The following ANOS1 variants were observed in gnomAD, a reference collection of about 807,000 sequenced individuals.
ANOS1 encodes anosmin-1.
A neutral mutation model predicts 59.0 loss-of-function variants in ANOS1; 6 were observed. That is an observed-to-expected ratio of 0.10 (90% CI 0.06 to 0.20). The LOEUF (loss-of-function observed/expected upper bound fraction) is 0.20, where lower values mean the gene tolerates loss of function less well. Ranked by LOEUF, ANOS1 falls within the 10% of genes least tolerant of loss-of-function variation. The pLI is 1.00. For missense variants in ANOS1, 433 were observed against 542.3 expected, an observed-to-expected ratio of 0.80 and a Z score of 2.00; for synonymous variants, 217 against 223.4, an observed-to-expected ratio of 0.97 and a Z score of 0.25.
chrX:8,593,317 T>C (rs1930653915), intron 4 of ANOS1, among the ~76,000 whole-genome samples: 2 of 111,832 alleles, frequency 1.8e-5, no homozygotes, highest in Non-Finnish European at 3.8e-5. Context: ...TAAATGTGTA[T>C]TCAACTGAAA....
intron 6 of ANOS1, among the ~76,000 whole-genome samples, chrX:8,579,753 C>A (rs183207262): frequency 7.2e-5 from 8 of 111,620 alleles, no homozygotes; most frequent in African/African-American, 2.3e-4. Flanking sequence ...GGAACAGCTG[C>A]AGACAAAGAC....
At chrX:8,717,219 T>A (rs1932846588) in intron 1 of ANOS1, among the ~76,000 whole-genome samples, 1 of 112,410 alleles carries the variant, frequency 8.9e-6, no homozygotes, top group Non-Finnish European at 1.9e-5. Context: ...ACCTCCATCT[T>A]CTTTTCAAAA....
chrX:8,567,442 T>A (rs1378565242), intron 8 of ANOS1, among the ~76,000 whole-genome samples: 2 of 94,656 alleles, frequency 2.1e-5, no homozygotes, highest in Non-Finnish European at 4.7e-5. Context: ...TTTTGGTCTC[T>A]GCCTTCAAAA....
rs754851546 is a variant in ANOS1, at chrX:8,731,899, G to A, written c.138C>T (p.Arg46=). 2.1e-5 allele frequency: 25 copies of A among 1,185,512 alleles called. No individual in the cohort carries two copies. The South Asian group carries it at 3.9e-4, about 18-fold the overall frequency. ...DESLSAGSVQ[R]ARCASRCLSL... is the part of the protein sequence containing the mutation. Reference sequence around the variant, plus strand: ...TCAGGCACCTGGAGGCGCAGCGAGCGCGCTGGACGCTCCCGGCAGACAGCG... The same window carrying A: ...TCAGGCACCTGGAGGCGCAGCGAGCACGCTGGACGCTCCCGGCAGACAGCG... Residue 46 remains arginine (R), a synonymous_variant, in exon 1 of 14, where the codon CGC becomes CGT. Transcript: ENST00000262648.
At chrX:8,676,180 C>T (rs1173888070) in intron 2 of ANOS1, among the ~76,000 whole-genome samples, 3 of 111,355 alleles carry the variant, frequency 2.7e-5, no homozygotes, top group Admixed American at 9.6e-5. Flanking sequence ...CAACTAGCCA[C>T]CTTTATTTGT....
At chrX:8,685,596 GGAAGAA>G (rs1932500837) in intron 2 of ANOS1, among the ~76,000 whole-genome samples, 1 of 64,900 alleles carries the variant, frequency 1.5e-5, no homozygotes, top group Non-Finnish European at 2.8e-5. Context: ...GAGAAAGAAA[GGAAGAA>G]AGAAAGAAAG....
intron 1 of ANOS1, among the ~76,000 whole-genome samples, chrX:8,720,046 C>A (rs1264722847): frequency 9.0e-6 from 1 of 111,493 alleles, no homozygotes; most frequent in Admixed American, 9.6e-5. Flanking sequence ...TTTCAAAATT[C>A]TTTTTTTGAA....
At chrX:8,659,527 C>T (rs1170230274) in intron 2 of ANOS1, among the ~76,000 whole-genome samples, 4 of 96,955 alleles carry the variant, frequency 4.1e-5, no homozygotes, top group African/African-American at 1.7e-4. Context: ...GCTTTTCTTT[C>T]TTTCTTTCTC....
chrX:8,593,193 T>C (rs895517901), intron 4 of ANOS1, among the ~76,000 whole-genome samples: 1 of 112,139 alleles, frequency 8.9e-6, no homozygotes, highest in South Asian at 3.7e-4. Flanking sequence ...TTAAAGAGTA[T>C]TGTGAGCATG....
chrX:8,627,790 C>T (rs1185187067), intron 2 of ANOS1, among the ~76,000 whole-genome samples: 2 of 109,079 alleles, frequency 1.8e-5, no homozygotes, highest in African/African-American at 6.7e-5. Flanking sequence ...CAATGACACA[C>T]TTTCTCTCAT....
intron 2 of ANOS1, among the ~76,000 whole-genome samples, chrX:8,683,952 A>G (rs1339945917): frequency 8.9e-6 from 1 of 111,774 alleles, no homozygotes; most frequent in Non-Finnish European, 1.9e-5. Flanking sequence ...CTTTTTCCTG[A>G]CAAATACTAT....
At chrX:8,552,146 A>G (rs958804227) in intron 9 of ANOS1, among the ~76,000 whole-genome samples, 2 of 112,560 alleles carry the variant, frequency 1.8e-5, no homozygotes, top group African/African-American at 3.2e-5. Context: ...AATAACAATG[A>G]GGTATCACTA....
At chrX:8,645,762 T>C (rs190842249) in intron 2 of ANOS1, among the ~76,000 whole-genome samples, 18 of 111,554 alleles carry the variant, frequency 1.6e-4, no homozygotes, top group African/African-American at 5.2e-4. Flanking sequence ...ACTGGGACTA[T>C]AGGAAAATAT....
intron 3 of ANOS1, among the ~76,000 whole-genome samples, chrX:8,620,976 A>AT (rs886187405): frequency 8.9e-6 from 1 of 111,969 alleles, no homozygotes; most frequent in African/African-American, 3.2e-5. Flanking sequence ...CTTCAATTAT[A>AT]TCTTCCTTCT....
intron 2 of ANOS1, among the ~76,000 whole-genome samples, chrX:8,697,735 T>C (rs1285947772): frequency 1.8e-5 from 2 of 112,246 alleles, no homozygotes; most frequent in East Asian, 5.6e-4. Flanking sequence ...TCTCTCCCTA[T>C]ATTTGTACAA....
At chrX:8,682,792 T>C (rs1320741065) in intron 2 of ANOS1, among the ~76,000 whole-genome samples, 1 of 110,729 alleles carries the variant, frequency 9.0e-6, no homozygotes, top group Admixed American at 9.7e-5. Flanking sequence ...AAGAAAAAAA[T>C]GAACCCTGAG....
chrX:8,545,226 C>A (rs1385614077), intron 9 of ANOS1, among the ~76,000 whole-genome samples: 2 of 98,415 alleles, frequency 2.0e-5, no homozygotes, highest in Non-Finnish European at 4.0e-5. Flanking sequence ...GCACTCCAGC[C>A]TGGGTGACAG....
At chrX:8,621,991 G>C (rs909052078) in intron 3 of ANOS1, among the ~76,000 whole-genome samples, 3 of 111,866 alleles carry the variant, frequency 2.7e-5, no homozygotes, top group Non-Finnish European at 5.6e-5. Flanking sequence ...CACAAACAAA[G>C]ACATGGGATG....
At chrX:8,693,733 A>ATT (rs35989320) in intron 2 of ANOS1, among the ~76,000 whole-genome samples, 1,078 of 75,292 alleles carry the variant, frequency 0.014, 38 homozygotes, top group East Asian at 0.068. Flanking sequence ...TATTGCATGA[A>ATT]TTTTTTTTTT....
Sources: gnomAD v4.1 joint callset for allele counts (sites outside exome capture counted in the v4.1 genomes callset) on GRCh38, gnomAD v4.1.1 for gene constraint, MANE v1.5 for transcripts, NCBI Gene and HGNC (gene_info 2026-07-23, HGNC 2026-07-21) for gene names.